The following CLIP1 variants were observed in gnomAD, a reference collection of about 807,000 sequenced individuals.
CLIP1 encodes the protein CAP-Gly domain containing linker protein 1.
Under a neutral mutation model 161.6 loss-of-function variants are expected in CLIP1, and 66 were observed. That is an observed-to-expected ratio of 0.41 (90% CI 0.33 to 0.50). The LOEUF (loss-of-function observed/expected upper bound fraction) is 0.50. CLIP1 is among the 20% of genes least tolerant of loss of function. CLIP1 has a pLI of 0.27. For missense variants in CLIP1, 1,376 were observed against 1,702.0 expected (o/e 0.81, Z 3.37); for synonymous variants, 598 against 626.2 (o/e 0.96, Z 0.67).
Position 122,404,015 on chromosome 12 carries a change from G to T in CLIP1, c.-107+18506C>A, listed in dbSNP as rs766935797. Among the ~76,000 whole-genome samples, 73 of 152,200 alleles carry T rather than the reference G, an allele frequency of 4.8e-4. 1 individual carries two copies. The highest frequency in any genetic ancestry group is 9.1e-4 in the Non-Finnish European group (62 of 68,046). On this transcript the variant is annotated intron_variant, in intron 1 of 25. Coordinates refer to ENST00000620786, the MANE Select transcript of CLIP1 (RefSeq NM_001247997.2). ...TCAAACCACAGGGCATGAAGGCAGGGAGCATGCACTCCAAGGTAGAATACC... is the reference window on the plus strand; with the variant it reads ...TCAAACCACAGGGCATGAAGGCAGGTAGCATGCACTCCAAGGTAGAATACC...
intron 17 of CLIP1, among the ~76,000 whole-genome samples, chr12:122,326,178 G>A (rs1351675148): frequency 6.6e-6 from 1 of 152,226 alleles, no homozygotes; most frequent in Non-Finnish European, 1.5e-5. Context: ...TACTAGACAC[G>A]TTTGGAGGGG....
chr12:122,365,258 A>T, intron 3 of CLIP1: 3 of 561,606 alleles, frequency 5.3e-6, no homozygotes, highest in East Asian at 6.1e-5. Flanking sequence ...AAAATAAAAA[A>T]AAGAAAGGTG....
chr12:122,282,554 G>C (rs987900169), intron 21 of CLIP1, among the ~76,000 whole-genome samples: 1 of 151,984 alleles, frequency 6.6e-6, no homozygotes, highest in Non-Finnish European at 1.5e-5. Context: ...AAGATAACAA[G>C]AACCAAATAT....
rs765657183 is a variant in CLIP1, at chr12:122,272,992, T to C, written c.4200A>G (p.Ser1400=). The C allele has an allele frequency of 5.6e-6, 9 of 1,614,080 alleles. No individual in the cohort carries two copies. Among genetic ancestry groups the C allele is most frequent in the Non-Finnish European group, 7.6e-6 (9 of 1,180,038 alleles). The change falls in exon 26 of 26, where the codon TCA becomes TCG. Residue 1400 remains serine (S), a synonymous_variant. Coordinates refer to ENST00000620786, the MANE Select transcript of CLIP1 (RefSeq NM_001247997.2). ...TEDCPTQAQM[S]EDPPHSTHHG... ...GGTGTGTGGAATGGGGAGGGTCCTC[T>C]GACATCTGTGCCTGGGTAGGACAAT...
chr12:122,403,290 C>T (rs1216713657), intron 1 of CLIP1, among the ~76,000 whole-genome samples: 1 of 152,126 alleles, frequency 6.6e-6, no homozygotes, highest in Non-Finnish European at 1.5e-5. Context: ...TATAAGGAAG[C>T]TCTGCTGGCA....
intron 21 of CLIP1, among the ~76,000 whole-genome samples, chr12:122,285,158 C>T (rs1275203634): frequency 6.6e-6 from 1 of 151,806 alleles, no homozygotes; most frequent in African/African-American, 2.4e-5. Flanking sequence ...TTATATTTCA[C>T]TGGGTTGTTT....
At chr12:122,404,837 T>C (rs1327064752) in intron 1 of CLIP1, among the ~76,000 whole-genome samples, 2 of 150,202 alleles carry the variant, frequency 1.3e-5, no homozygotes, top group African/African-American at 4.9e-5. Flanking sequence ...GAGGCGGAGG[T>C]TGCAGTGAGC....
intron 18 of CLIP1, among the ~76,000 whole-genome samples, chr12:122,317,456 T>C (rs774792795): frequency 2.0e-4 from 31 of 152,128 alleles, no homozygotes; most frequent in Non-Finnish European, 3.4e-4. Flanking sequence ...GGCTCCATCA[T>C]TGGCCCACGG....
intron 20 of CLIP1, among the ~76,000 whole-genome samples, chr12:122,296,846 A>C (rs61954393): frequency 0.061 from 8,835 of 145,118 alleles, 306 homozygotes; most frequent in Middle Eastern, 0.12. Context: ...CCTGGGTGAC[A>C]AAGTGAGACT....
intron 5 of CLIP1, among the ~76,000 whole-genome samples, chr12:122,356,313 G>A (rs528927223): frequency 3.2e-4 from 49 of 152,282 alleles, no homozygotes; most frequent in African/African-American, 1.2e-3. Context: ...AAAATTTCAA[G>A]AGAAACACAG....
intron 20 of CLIP1, among the ~76,000 whole-genome samples, chr12:122,301,212 C>G (rs1009112832): frequency 6.6e-6 from 1 of 152,154 alleles, no homozygotes; most frequent in African/African-American, 2.4e-5. Flanking sequence ...ACTGCCTGAA[C>G]AGGAATAGGG....
chr12:122,307,373 T>A (rs530625642), intron 20 of CLIP1, among the ~76,000 whole-genome samples: 1 of 152,284 alleles, frequency 6.6e-6, no homozygotes, highest in East Asian at 1.9e-4. Context: ...TAGGTTGTGA[T>A]GATTCCATGA....
At chr12:122,401,913 CT>C (rs1236607593) in intron 1 of CLIP1, among the ~76,000 whole-genome samples, 1 of 151,940 alleles carries the variant, frequency 6.6e-6, no homozygotes. Flanking sequence ...AGGAGAATCA[CT>C]TGAACCTGGG....
chr12:122,368,903 T>TA (rs1177130022), intron 3 of CLIP1, among the ~76,000 whole-genome samples: 129 of 145,110 alleles, frequency 8.9e-4, no homozygotes, highest in African/African-American at 2.2e-3. Flanking sequence ...TGCACTTCAA[T>TA]AAAAAAAAAA....
intron 1 of CLIP1, among the ~76,000 whole-genome samples, chr12:122,418,214 TG>T (rs1956820328): frequency 6.6e-6 from 1 of 152,146 alleles, no homozygotes; most frequent in South Asian, 2.1e-4. Context: ...GAACAGCACC[TG>T]GCACACGGTA....
At chr12:122,336,263 G>T (rs903995753) in intron 12 of CLIP1, among the ~76,000 whole-genome samples, 2 of 152,078 alleles carry the variant, frequency 1.3e-5, no homozygotes, top group Non-Finnish European at 2.9e-5. Context: ...GATAATCACA[G>T]TTTAGGGGCC....
At chr12:122,364,778 CA>C in intron 3 of CLIP1, 9 of 953,170 alleles carry the variant, frequency 9.4e-6, no homozygotes, top group Middle Eastern at 2.6e-4. Flanking sequence ...AGTAATTCGC[CA>C]AAATGACGAA....
intron 12 of CLIP1, among the ~76,000 whole-genome samples, chr12:122,335,925 T>C (rs1333430842): frequency 2.0e-5 from 3 of 152,270 alleles, no homozygotes; most frequent in Non-Finnish European, 2.9e-5. Flanking sequence ...GTGGCACATA[T>C]ACCTCGTCTA....
At position 122,346,331 on chromosome 12, in the gene CLIP1, C is replaced by T. The variant is rs138838994; in HGVS notation, c.1506+1044G>A. On this transcript the variant is annotated intron_variant, in intron 10 of 25. Coordinates refer to ENST00000620786, the MANE Select transcript of CLIP1 (RefSeq NM_001247997.2). ...GTTGAGACTGAATACCTGCAAAGCA[C>T]TTAGAATAGTGTCTGGCATGAAGTA... is the stretch of plus-strand genomic sequence containing the variant. Among the ~76,000 whole-genome samples, 10 of 152,248 alleles carry T rather than the reference C, an allele frequency of 6.6e-5. No homozygotes were observed. In the East Asian group the frequency reaches 1.9e-3, roughly 29 times the overall value.
Sources: allele counts gnomAD v4.1 joint callset (sites outside exome capture counted in the v4.1 genomes callset), GRCh38; gene constraint gnomAD v4.1.1; transcripts MANE v1.5; gene names NCBI Gene and HGNC (gene_info 2026-07-23, HGNC 2026-07-21).